The following DOCK10 variants were observed in gnomAD, a reference collection of about 807,000 sequenced individuals.
DOCK10 encodes the protein dedicator of cytokinesis 10.
A neutral mutation model predicts 280.1 loss-of-function variants in DOCK10; 145 were observed. The ratio of observed to expected loss-of-function variants is 0.52; its 90% confidence interval spans 0.45 to 0.59. The LOEUF (loss-of-function observed/expected upper bound fraction) is 0.59. DOCK10 is among the 20% of genes least tolerant of loss of function. The pLI is 0.00. For missense variants in DOCK10, 2,368 were observed against 2,651.7 expected (o/e 0.89, Z 2.35); for synonymous variants, 915 against 942.2 (o/e 0.97, Z 0.53).
At position 225,035,562 on chromosome 2, in the gene DOCK10, A is replaced by AT. The variant is rs1182821872; in HGVS notation, c.123+6689dup. ...ATATATTATATATATATATATATATATATATATATATATATATATATATAT... is the reference window on the plus strand; with the variant it reads ...ATATATTATATATATATATATATATATTATATATATATATATATATATATAT... On this transcript the variant is annotated intron_variant, in intron 1 of 55. Transcript: ENST00000258390. Among the ~76,000 whole-genome samples the AT allele has an allele frequency of 4.9e-4, 26 of 53,528 alleles. 2 individuals carry two copies. In the South Asian group the frequency reaches 7.3e-3, roughly 15 times the overall value. 35.1% of individuals were successfully genotyped at this position (53,528 alleles called of 152,430 possible). A position where few individuals can be genotyped will look rare whatever the true frequency, so the allele number is the denominator to read the frequency against.
At chr2:224,832,672 C>T (rs547807421) in intron 26 of DOCK10, among the ~76,000 whole-genome samples, 64 of 152,108 alleles carry the variant, frequency 4.2e-4, no homozygotes, top group East Asian at 3.5e-3. Context: ...TGAATGAATC[C>T]CAGGCACACT....
intron 1 of DOCK10, among the ~76,000 whole-genome samples, chr2:225,005,391 G>A (rs1411881973): frequency 4.6e-5 from 7 of 152,286 alleles, no homozygotes; most frequent in African/African-American, 1.7e-4. Context: ...TACAGTTTTT[G>A]TAATTCTAAT....
chr2:224,826,583 T>G (rs914100598), intron 27 of DOCK10, among the ~76,000 whole-genome samples: 1 of 152,060 alleles, frequency 6.6e-6, no homozygotes. Flanking sequence ...CTGTGAATGC[T>G]TTGGTGTCAA....
chr2:224,792,369 C>T (rs554977469), intron 47 of DOCK10, among the ~76,000 whole-genome samples: 5 of 152,196 alleles, frequency 3.3e-5, no homozygotes, highest in African/African-American at 7.2e-5. Context: ...CTGCAACCTC[C>T]GCCTCCTGGG....
chr2:225,009,282 A>G (rs1055966220), intron 1 of DOCK10, among the ~76,000 whole-genome samples: 1 of 152,236 alleles, frequency 6.6e-6, no homozygotes. Flanking sequence ...ACCTACCAAG[A>G]AAATCAATCA....
intron 1 of DOCK10, among the ~76,000 whole-genome samples, chr2:225,020,453 T>C (rs1448189218): frequency 6.6e-6 from 1 of 152,150 alleles, no homozygotes; most frequent in African/African-American, 2.4e-5. Context: ...CCTAGCAACA[T>C]ATATTTGAAG....
At chr2:224,847,646 G>A (rs541778650) in intron 19 of DOCK10, among the ~76,000 whole-genome samples, 1 of 152,278 alleles carries the variant, frequency 6.6e-6, no homozygotes, top group South Asian at 2.1e-4. Flanking sequence ...CCAACCAATA[G>A]CAGTAAATAT....
At chr2:224,819,392 T>C in intron 29 of DOCK10, 54 bp downstream of exon 29, 3 of 1,238,306 alleles carry the variant, frequency 2.4e-6, no homozygotes, top group Non-Finnish European at 3.5e-6. Flanking sequence ...GACTACTTTA[T>C]TTATTTACAA....
intron 1 of DOCK10, among the ~76,000 whole-genome samples, chr2:224,991,594 C>G (rs941192950): frequency 2.0e-5 from 3 of 152,036 alleles, no homozygotes; most frequent in Non-Finnish European, 4.4e-5. Context: ...AAGAGAGAGC[C>G]TTGGCACTGG....
intron 1 of DOCK10, among the ~76,000 whole-genome samples, chr2:224,944,821 G>A (rs1033715971): frequency 4.6e-5 from 7 of 152,214 alleles, no homozygotes; most frequent in Non-Finnish European, 8.8e-5. Flanking sequence ...CCAAAAGCAG[G>A]CAACTGTAGC....
intron 1 of DOCK10, among the ~76,000 whole-genome samples, chr2:225,039,686 TTC>T (rs5839087): frequency 0.39 from 58,485 of 149,906 alleles, 13,659 homozygotes; most frequent in East Asian, 0.57. Flanking sequence ...GCTTCCTGTC[TTC>T]TCTCTCTCTC....
chr2:224,976,704 C>T (rs1437835631), intron 1 of DOCK10, among the ~76,000 whole-genome samples: 3 of 148,722 alleles, frequency 2.0e-5, no homozygotes, highest in Non-Finnish European at 4.5e-5. Flanking sequence ...AAAAAAGGTT[C>T]CTTTGTGGTT....
rs754278784 is a variant in DOCK10 at position 224,765,775 on chromosome 2, G to C, written c.6507C>G (p.Ser2169Arg). 1 of 1,613,882 alleles carries C rather than the reference G, an allele frequency of 6.2e-7. No homozygotes were observed. Among genetic ancestry groups the C allele is most frequent in the East Asian group, 2.2e-5 (1 of 44,884 alleles). Residue 2169 changes from serine to arginine, a missense_variant, in exon 56 of 56, where the codon AGC (serine) becomes AGG (arginine). By Grantham distance (110) the Ser-to-Arg change is moderately radical (BLOSUM62 -1). Transcript: ENST00000258390. ...GVDQTCTRVISKATPALPTVS... is the reference protein window; with the variant it reads ...GVDQTCTRVIRKATPALPTVS... ...CCGTGGGTAGGGCCGGAGTTGCTTT[G>C]CTAATTACTCGAGTGCAGGTTTGGT...
intron 3 of DOCK10, among the ~76,000 whole-genome samples, chr2:224,914,971 A>C (rs1394065895): frequency 6.6e-6 from 1 of 152,198 alleles, no homozygotes; most frequent in Non-Finnish European, 1.5e-5. Context: ...TAATTCATTA[A>C]GTAATTAACA....
intron 2 of DOCK10, among the ~76,000 whole-genome samples, chr2:224,921,112 A>AAAAAAAAAAAATATATATATATATAT: frequency 3.7e-5 from 2 of 54,412 alleles, no homozygotes; most frequent in Non-Finnish European, 3.0e-5. Context: ...AAAAAAAAAA[A>AAAAAAAAAAAATATATATATATATAT]ATATATATAT....
intron 1 of DOCK10, among the ~76,000 whole-genome samples, chr2:224,943,760 TC>T (rs375355133): frequency 7.3e-4 from 106 of 144,648 alleles, no homozygotes; most frequent in African/African-American, 2.5e-3. Flanking sequence ...TTTTTTCTTT[TC>T]TTTTTTTTTT....
At chr2:224,977,794 A>C (rs1165155932) in intron 1 of DOCK10, among the ~76,000 whole-genome samples, 1 of 152,202 alleles carries the variant, frequency 6.6e-6, no homozygotes, top group Non-Finnish European at 1.5e-5. Context: ...ATTTCTCTCC[A>C]CTTTGGACTA....
chr2:224,770,503 C>T lies in DOCK10; in HGVS notation c.6305+42G>A. 1 of 1,590,046 alleles carries T rather than the reference C, an allele frequency of 6.3e-7. No individual in the cohort carries two copies. The highest frequency in any genetic ancestry group is 8.6e-7 in the Non-Finnish European group (1 of 1,158,480). ...TTGGGGGATTGAGGACTCCCTGTCT[C>T]AGGAAGTTCAAGGAAGAACATCCCA... On this transcript the variant is annotated intron_variant, in intron 54 of 55. Transcript: ENST00000258390. The surrounding 1 kb of genome is among the most constrained non-coding windows in gnomAD (Gnocchi z 4.5).
rs199983634 is a variant in DOCK10 at position 224,826,236 on chromosome 2, G to GT, written c.3037-2590dup. Among the ~76,000 whole-genome samples, 1,163 of 152,124 alleles carry GT rather than the reference G, an allele frequency of 7.6e-3. 16 individuals carry two copies. The highest frequency in any genetic ancestry group is 0.024 in the African/African-American group (1,005 of 41,508). ...GTGCCACCACATCCAGCTAACTTTT[G>GT]TATTTTTAATAGAGATGGGGTTTTG... On this transcript the variant is annotated intron_variant, in intron 27 of 55. Transcript: ENST00000258390.
Sources: allele counts gnomAD v4.1 joint callset (sites outside exome capture counted in the v4.1 genomes callset), GRCh38; gene constraint gnomAD v4.1.1; non-coding constraint Gnocchi (gnomAD v3.1); transcripts MANE v1.5; gene names NCBI Gene and HGNC (gene_info 2026-07-23, HGNC 2026-07-21).